The following RALYL variants were observed in gnomAD, a reference collection of about 807,000 sequenced individuals.
RALYL encodes the protein RNA-binding Raly-like protein.
RALYL carries 29 observed loss-of-function variants against 35.1 expected under a neutral mutation model. The ratio of observed to expected loss-of-function variants is 0.83; its 90% CI spans 0.61 to 1.13. The LOEUF is 1.13. Among genes scored for constraint, RALYL ranks in the 50% most tolerant of loss-of-function variants. RALYL has a pLI of 0.00. For synonymous variants in RALYL, 120 were observed against 127.6 expected, an observed-to-expected ratio of 0.94 and a Z score of 0.40; for missense variants, 359 against 360.4, an observed-to-expected ratio of 1.00 and a Z score of 0.03.
chr8:84,807,730 G>T (rs1226620176), intron 4 of RALYL, among the ~76,000 whole-genome samples: 1 of 152,022 alleles, frequency 6.6e-6, no homozygotes, highest in Non-Finnish European at 1.5e-5. Flanking sequence ...AGCTAGTATT[G>T]CATTATGGTT....
intron 2 of RALYL, among the ~76,000 whole-genome samples, chr8:84,610,324 T>A (rs1335651100): frequency 6.6e-6 from 1 of 152,058 alleles, no homozygotes; most frequent in Non-Finnish European, 1.5e-5. Context: ...ACTGGTCAGG[T>A]GTTTTGTAAG....
chr8:84,289,681 C>A (rs747037142), intron 1 of RALYL, among the ~76,000 whole-genome samples: 2 of 152,122 alleles, frequency 1.3e-5, no homozygotes, highest in Non-Finnish European at 2.9e-5. Flanking sequence ...AAATATCTCA[C>A]TTCCAATTAC....
chr8:84,683,817 G>T (rs908870853), intron 2 of RALYL, among the ~76,000 whole-genome samples: 1 of 152,122 alleles, frequency 6.6e-6, no homozygotes, highest in Non-Finnish European at 1.5e-5. Context: ...CTCCTGAGTT[G>T]CTGGGATTAT....
At chr8:84,474,267 A>T (rs933797424) in intron 1 of RALYL, among the ~76,000 whole-genome samples, 1 of 152,158 alleles carries the variant, frequency 6.6e-6, no homozygotes, top group African/African-American at 2.4e-5. Flanking sequence ...TTTTAACAGT[A>T]CATGCTTTCC....
intron 6 of RALYL, among the ~76,000 whole-genome samples, chr8:84,870,997 GC>G (rs199824470): frequency 6.6e-6 from 1 of 152,012 alleles, no homozygotes; most frequent in Non-Finnish European, 1.5e-5. Context: ...AGCATTTGCT[GC>G]CCCCCCATTC....
intron 2 of RALYL, among the ~76,000 whole-genome samples, chr8:84,725,876 C>G (rs1342376166): frequency 6.6e-6 from 1 of 151,530 alleles, no homozygotes; most frequent in Non-Finnish European, 1.5e-5. Flanking sequence ...ATAGGAGTCA[C>G]AAACACATTT....
At chr8:84,417,904 A>C (rs1478417898) in intron 1 of RALYL, among the ~76,000 whole-genome samples, 1 of 152,186 alleles carries the variant, frequency 6.6e-6, no homozygotes, top group Non-Finnish European at 1.5e-5. Context: ...CGGAAATTAA[A>C]ATAATTTTGC....
At chr8:84,591,263 C>A (rs1430054610) in intron 2 of RALYL, among the ~76,000 whole-genome samples, 1 of 152,068 alleles carries the variant, frequency 6.6e-6, no homozygotes, top group Non-Finnish European at 1.5e-5. Flanking sequence ...TGATTGAATA[C>A]CTGAGACATC....
intron 2 of RALYL, among the ~76,000 whole-genome samples, chr8:84,737,914 A>C (rs1847608398): frequency 6.6e-6 from 1 of 152,008 alleles, no homozygotes; most frequent in Admixed American, 6.6e-5. Context: ...TTGCCTCCAG[A>C]ACTGTAAGAA....
chr8:84,775,279 C>T (rs1298189575), intron 3 of RALYL, among the ~76,000 whole-genome samples: 2 of 152,132 alleles, frequency 1.3e-5, no homozygotes, highest in Admixed American at 6.5e-5. Flanking sequence ...TAACTGCATG[C>T]CATGTTCTTT....
At chr8:84,533,848 A>G (rs2059423785) in intron 2 of RALYL, among the ~76,000 whole-genome samples, 1 of 152,214 alleles carries the variant, frequency 6.6e-6, no homozygotes, top group Admixed American at 6.5e-5. Context: ...GTCTTAGTAG[A>G]GAGGAAGATG....
At chr8:84,367,518 G>T (rs1854726883) in intron 1 of RALYL, among the ~76,000 whole-genome samples, 1 of 151,014 alleles carries the variant, frequency 6.6e-6, no homozygotes, top group Non-Finnish European at 1.5e-5. Flanking sequence ...ATTATATGTT[G>T]TTTGATAATT....
At chr8:84,241,414 C>G (rs13253923) in intron 1 of RALYL, among the ~76,000 whole-genome samples, 85,535 of 151,858 alleles carry the variant, frequency 0.56, 24,232 homozygotes, top group South Asian at 0.65. Context: ...CTTGGTGTGG[C>G]GGCTGGAGAA....
chr8:84,654,304 T>TAC (rs1343168259), intron 2 of RALYL, among the ~76,000 whole-genome samples: 20 of 123,004 alleles, frequency 1.6e-4, no homozygotes, highest in African/African-American at 6.4e-4. Context: ...TATATATATA[T>TAC]ATATATATAT....
intron 2 of RALYL, among the ~76,000 whole-genome samples, chr8:84,651,023 A>G (rs1304522709): frequency 6.6e-6 from 1 of 151,922 alleles, no homozygotes; most frequent in Admixed American, 6.6e-5. Context: ...TTGAACAATG[A>G]GAACACATGG....
chr8:84,190,798 T>G (rs1327670139), intron 1 of RALYL, among the ~76,000 whole-genome samples: 1 of 152,014 alleles, frequency 6.6e-6, no homozygotes, highest in Admixed American at 6.6e-5. Flanking sequence ...GAAGGAGATA[T>G]GACAGTATCA....
At chr8:84,778,238 C>T (rs1586179047) in intron 3 of RALYL, among the ~76,000 whole-genome samples, 1 of 152,332 alleles carries the variant, frequency 6.6e-6, no homozygotes, top group Non-Finnish European at 1.5e-5. Context: ...GCCAGACTTT[C>T]TTCTTCACGT....
chr8:84,821,198 C>T (rs1828447073), intron 4 of RALYL, among the ~76,000 whole-genome samples: 1 of 152,152 alleles, frequency 6.6e-6, no homozygotes, highest in African/African-American at 2.4e-5. Flanking sequence ...TTATTTCAGA[C>T]AGTTCAAAGT....
chr8:84,461,061 C>T (rs1311053950), intron 1 of RALYL, among the ~76,000 whole-genome samples: 2 of 151,526 alleles, frequency 1.3e-5, no homozygotes, highest in African/African-American at 2.4e-5. Flanking sequence ...TATCTTAGTG[C>T]ATATGCATTA....
Sources: allele counts gnomAD v4.1 joint callset (sites outside exome capture counted in the v4.1 genomes callset), GRCh38; gene constraint gnomAD v4.1.1; transcripts MANE v1.5; gene names NCBI Gene and HGNC (gene_info 2026-07-23, HGNC 2026-07-21).